The following UBASH3B variants were observed in gnomAD, a reference collection of about 807,000 sequenced individuals.
The protein encoded by UBASH3B is ubiquitin associated and SH3 domain containing B, also known as ubiquitin-associated and SH3 domain-containing protein B.
UBASH3B carries 37 observed loss-of-function variants against 83.4 expected under a neutral mutation model. The observed-to-expected ratio is 0.44, with a 90% confidence interval of 0.34 to 0.58. The LOEUF is 0.58. Ranked by LOEUF, UBASH3B falls within the 20% of genes least tolerant of loss-of-function variation. UBASH3B has a pLI of 0.01. For missense variants in UBASH3B, 657 were observed against 827.2 expected (o/e 0.79, Z 2.52); for synonymous variants, 304 against 318.3 (o/e 0.96, Z 0.48).
chr11:122,764,218 T>C (rs983077432), intron 1 of UBASH3B, among the ~76,000 whole-genome samples: 4 of 152,190 alleles, frequency 2.6e-5, no homozygotes, highest in Non-Finnish European at 4.4e-5. Flanking sequence ...TGGTCTAAAG[T>C]ACAGTCTTAT....
chr11:122,792,107 A>G (rs1263150572), intron 6 of UBASH3B, among the ~76,000 whole-genome samples: 2 of 152,152 alleles, frequency 1.3e-5, no homozygotes, highest in African/African-American at 2.4e-5. Flanking sequence ...TCCTTTGATT[A>G]TAATGACAGT....
At chr11:122,770,445 G>C (rs77098925) in intron 1 of UBASH3B, among the ~76,000 whole-genome samples, 1 of 134,512 alleles carries the variant, frequency 7.4e-6, no homozygotes, top group Admixed American at 7.9e-5. Flanking sequence ...CCTCTGAGTC[G>C]GGGATGTCTT....
At chr11:122,672,823 T>A (rs909695016) in intron 1 of UBASH3B, among the ~76,000 whole-genome samples, 4 of 152,096 alleles carry the variant, frequency 2.6e-5, no homozygotes, top group Non-Finnish European at 5.9e-5. Flanking sequence ...CATTCTGTGT[T>A]GGAGTCAGGA....
At chr11:122,680,982 G>C (rs994827190) in intron 1 of UBASH3B, among the ~76,000 whole-genome samples, 6 of 152,192 alleles carry the variant, frequency 3.9e-5, no homozygotes, top group African/African-American at 1.4e-4. Context: ...TGTTTGTCCA[G>C]AGCAAGACCC....
At chr11:122,736,619 C>T (rs898458206) in intron 1 of UBASH3B, among the ~76,000 whole-genome samples, 1 of 152,084 alleles carries the variant, frequency 6.6e-6, no homozygotes, top group Non-Finnish European at 1.5e-5. Flanking sequence ...CTGTACTACA[C>T]TTAGCACTGA....
intron 1 of UBASH3B, among the ~76,000 whole-genome samples, chr11:122,671,818 T>C (rs1253854429): frequency 6.6e-6 from 1 of 151,976 alleles, no homozygotes; most frequent in African/African-American, 2.4e-5. Context: ...TCCCAGGGGG[T>C]GTTGAGTAAA....
At chr11:122,685,842 C>G (rs78854133) in intron 1 of UBASH3B, among the ~76,000 whole-genome samples, 5 of 152,266 alleles carry the variant, frequency 3.3e-5, no homozygotes, top group African/African-American at 1.2e-4. Context: ...TTTTATAGCT[C>G]GTTACATTTT....
intron 1 of UBASH3B, among the ~76,000 whole-genome samples, chr11:122,674,249 C>A (rs908727232): frequency 6.6e-6 from 1 of 152,284 alleles, no homozygotes; most frequent in Non-Finnish European, 1.5e-5. Context: ...TGGGGCCCCT[C>A]GTTCCTCTGA....
At chr11:122,729,896 T>C (rs745455671) in intron 1 of UBASH3B, among the ~76,000 whole-genome samples, 6 of 131,400 alleles carry the variant, frequency 4.6e-5, no homozygotes, top group South Asian at 2.4e-4. Flanking sequence ...GGAGGATCAG[T>C]TGGGCATGGG....
chr11:122,676,971 A>T (rs1019703678), intron 1 of UBASH3B, among the ~76,000 whole-genome samples: 4 of 152,148 alleles, frequency 2.6e-5, no homozygotes, highest in African/African-American at 9.7e-5. Context: ...GGATAACTTC[A>T]TCCTGGGTAC....
intron 1 of UBASH3B, among the ~76,000 whole-genome samples, chr11:122,762,520 C>T (rs1389113582): frequency 6.6e-6 from 1 of 152,200 alleles, no homozygotes; most frequent in Non-Finnish European, 1.5e-5. Context: ...TAGAAGACAA[C>T]AGTGGGAAAT....
chr11:122,676,308 G>A (rs912295249), intron 1 of UBASH3B, among the ~76,000 whole-genome samples: 5 of 152,146 alleles, frequency 3.3e-5, no homozygotes, highest in Non-Finnish European at 5.9e-5. Flanking sequence ...GGGAGGCCGA[G>A]GCAGGTGGTT....
chr11:122,794,621 C>A, intron 6 of UBASH3B, 81 bp from the exon 7 acceptor site: 1 of 1,584,438 alleles, frequency 6.3e-7, no homozygotes, highest in Non-Finnish European at 8.6e-7. Context: ...GAGTTAACTC[C>A]CACACTCCTG....
At chr11:122,794,338 T>C (rs1178360271) in intron 6 of UBASH3B, among the ~76,000 whole-genome samples, 1 of 152,178 alleles carries the variant, frequency 6.6e-6, no homozygotes, top group Non-Finnish European at 1.5e-5. Context: ...CCCTAGCAGC[T>C]GGGACTACAG....
Position 122,776,570 on chromosome 11 carries a change from A to T in UBASH3B, c.215+298A>T, listed in dbSNP as rs895184208. Among the ~76,000 whole-genome samples, 3 of 152,258 alleles carry T rather than the reference A, an allele frequency of 2.0e-5. No individual in the cohort carries two copies. The South Asian group carries it at 6.2e-4, about 32-fold the overall frequency. ...ATTTTAGGGGTATGGATATTGAGAA[A>T]ATCCATTTAGAAAAGTACCCTACTT... On this transcript the variant is annotated intron_variant, in intron 2 of 13. Transcript: ENST00000284273.
chr11:122,703,614 CT>C (rs2135930718), intron 1 of UBASH3B, among the ~76,000 whole-genome samples: 2 of 152,230 alleles, frequency 1.3e-5, no homozygotes, highest in South Asian at 4.1e-4. Context: ...GAAATAGAAA[CT>C]TTTAGACATT....
chr11:122,663,374 G>A (rs1863472294), intron 1 of UBASH3B, among the ~76,000 whole-genome samples: 1 of 152,210 alleles, frequency 6.6e-6, no homozygotes. Context: ...CTCAGACATT[G>A]ATAATTTAAT....
intron 1 of UBASH3B, chr11:122,774,247 C>T (rs1395063408): frequency 1.0e-5 from 10 of 985,522 alleles, no homozygotes; most frequent in Middle Eastern, 5.2e-4. Flanking sequence ...CTTGCTTCTC[C>T]GTAACTTCAT....
intron 1 of UBASH3B, among the ~76,000 whole-genome samples, chr11:122,734,627 C>T (rs1860902027): frequency 6.6e-6 from 1 of 152,138 alleles, no homozygotes; most frequent in Admixed American, 6.5e-5. Flanking sequence ...CCTTGGTTTA[C>T]ATCTTGAAAT....
Sources: allele counts gnomAD v4.1 joint callset (sites outside exome capture counted in the v4.1 genomes callset), GRCh38; gene constraint gnomAD v4.1.1; transcripts MANE v1.5; gene names NCBI Gene and HGNC (gene_info 2026-07-23, HGNC 2026-07-21).